Variants in PIF1 observed in about 807,000 individuals in gnomAD.
PIF1 encodes PIF1 5'-to-3' DNA helicase.
In PIF1, 67 loss-of-function variants were observed where a neutral mutation model predicts 62.3. The ratio of observed to expected loss-of-function variants is 1.08; its 90% CI spans 0.88 to 1.32. PIF1 has a LOEUF of 1.32. Ranked by LOEUF, PIF1 falls within the 40% of genes most tolerant of loss-of-function variation. The pLI is 0.00. For synonymous variants in PIF1, 364 were observed against 379.5 expected, an observed-to-expected ratio of 0.96 and a Z score of 0.47; for missense variants, 886 against 866.1, an observed-to-expected ratio of 1.02 and a Z score of -0.29.
upstream of PIF1, among the ~76,000 whole-genome samples, chr15:64,826,892 CA>C (rs2084378518): frequency 6.6e-6 from 1 of 151,142 alleles, no homozygotes; most frequent in African/African-American, 2.4e-5. Flanking sequence ...CCTTATTTTT[CA>C]AATGAGAAAA....
chr15:64,819,361 A>C, intron 8 of PIF1, 138 bp from the exon 9 acceptor site: 1 of 639,628 alleles, frequency 1.6e-6, no homozygotes. Flanking sequence ...CCCAGACTGG[A>C]GTGCAAAGGC....
intron 4 of PIF1, 56 bp from the exon 5 acceptor site, chr15:64,821,576 T>TC: frequency 6.7e-7 from 1 of 1,490,602 alleles, no homozygotes; most frequent in Non-Finnish European, 8.9e-7. Flanking sequence ...TTTTTTTTTT[T>TC]TTTTTTTTTT....
intron 8 of PIF1, among the ~76,000 whole-genome samples, chr15:64,819,543 A>C (rs1398629792): frequency 6.6e-6 from 1 of 152,244 alleles, no homozygotes; most frequent in Admixed American, 6.5e-5. Context: ...TGCTGGCTTC[A>C]GGTGATCTGC....
Position 64,819,069 on chromosome 15 carries a change from T to C in PIF1, c.1440+48A>G, listed in dbSNP as rs1399636077. The C allele has an allele frequency of 4.2e-6, 6 of 1,438,430 alleles. No individual in the cohort carries two copies. In the South Asian group the frequency reaches 8.0e-5, roughly 19 times the overall value. The allele number at this position is 1,438,430 out of a possible 1,614,324, so 89.1% of individuals were successfully genotyped here. ...GAGGGGTAGGGATCAGCAAGGCCCATGCGGGACAGCCCAAGCTCCCAGGGG... is the reference window on the plus strand; with the variant it reads ...GAGGGGTAGGGATCAGCAAGGCCCACGCGGGACAGCCCAAGCTCCCAGGGG... On this transcript the variant is annotated intron_variant, in intron 9 of 12. Transcript: ENST00000559239.
At chr15:64,822,132 C>T in intron 4 of PIF1, 134 bp downstream of exon 4, 8 of 1,200,286 alleles carry the variant, frequency 6.7e-6, no homozygotes, top group Non-Finnish European at 5.8e-6. Context: ...ACCTTGGCCT[C>T]CTAAAGTTTT....
rs2084176822 is a variant in PIF1 at position 64,816,118 on chromosome 15, C to T, written c.*180G>A. On this transcript the variant is annotated 3_prime_UTR_variant, in exon 13 of 13. Coordinates refer to ENST00000559239, the MANE Select transcript of PIF1 (RefSeq NM_001286496.2). ...CAAAGTGAGAGAAACTGAAGCACAGCTGGTATATGGGTTTAAAGTACTCTC... is the reference window on the plus strand; with the variant it reads ...CAAAGTGAGAGAAACTGAAGCACAGTTGGTATATGGGTTTAAAGTACTCTC... The T allele has an allele frequency of 6.9e-7, 1 of 1,456,038 alleles. No individual in the cohort carries two copies. The highest frequency in any genetic ancestry group is 9.0e-7 in the Non-Finnish European group (1 of 1,109,998). 90.2% of individuals were successfully genotyped at this position (1,456,038 alleles called of 1,614,324 possible).
At chr15:64,823,540 CG>C (rs1246174876) in intron 2 of PIF1, 1 of 363,800 alleles carries the variant, frequency 2.7e-6, no homozygotes, top group Admixed American at 4.7e-5. Context: ...CCACCATGCC[CG>C]GCCTCTGCTT....
chr15:64,818,638 G>A, intron 9 of PIF1: 1 of 425,572 alleles, frequency 2.3e-6, no homozygotes, highest in East Asian at 5.0e-5. Context: ...TGATTGGCTT[G>A]GTTATAGGTA....
chr15:64,823,732 A>C, intron 2 of PIF1, 46 bp downstream of exon 2: 1 of 1,259,426 alleles, frequency 7.9e-7, no homozygotes, highest in Non-Finnish European at 1.0e-6. Context: ...CATCTTAAAG[A>C]ATGGCACATC....
rs1382607991 is a variant in PIF1, at chr15:64,819,219, CT to C, written c.1337del (p.Lys446ArgfsTer30). The C allele has an allele frequency of 6.3e-7, 1 of 1,598,626 alleles. No homozygotes were observed. Among genetic ancestry groups the C allele is most frequent in the Admixed American group, 1.7e-5 (1 of 57,548 alleles). On this transcript the variant is annotated frameshift_variant, in exon 9 of 13. Transcript: ENST00000559239. LOFTEE classifies it high-confidence loss of function. ...TGTCCATAGCCTCAAATCTGTGTAC[CT>C]TACCTGGAGAAAAAGAGTTGAGCAA... Reference protein sequence around the residue: ...NERRLQELPGKVHRFEAMDSN... With the variant: ...NERRLQELPGXVHRFEAMDSN...
At chr15:64,826,391 T>G (rs554497672), upstream of PIF1, among the ~76,000 whole-genome samples, 1 of 151,734 alleles carries the variant, frequency 6.6e-6, no homozygotes, top group African/African-American at 2.4e-5. Context: ...CTACCTCATT[T>G]TACAGATAAT....
intron 7 of PIF1, 115 bp from the exon 8 acceptor site, chr15:64,820,101 G>T (rs895539712): frequency 6.0e-6 from 8 of 1,343,540 alleles, no homozygotes; most frequent in African/African-American, 1.5e-5. Context: ...CTGGAAGAGG[G>T]CACCAGGGAA....
intron 5 of PIF1, 40 bp from the exon 6 acceptor site, chr15:64,821,321 A>G (rs776418878): frequency 6.2e-7 from 1 of 1,614,004 alleles, no homozygotes; most frequent in Non-Finnish European, 8.5e-7. Context: ...CACACAGAAG[A>G]CCACCAGGTC....
At chr15:64,826,626 A>ATATAT (rs2084370592), upstream of PIF1, among the ~76,000 whole-genome samples, 1 of 14,792 alleles carries the variant, frequency 6.8e-5, no homozygotes, top group Non-Finnish European at 1.7e-4. Flanking sequence ...CAGCTAATTT[A>ATATAT]TATATATATA....
In PIF1 at chr15:64,821,051, T is replaced by A. The variant is rs746348501; in HGVS notation, c.1124A>T (p.Glu375Val). Reference protein sequence around the residue: ...SWKRCVPVTLELTKVWRQADQ... With the variant: ...SWKRCVPVTLVLTKVWRQADQ... ...TGCCTGCCTCCACACCTTGGTCAGC[T>A]CCAGGGTCACTGGCACACACCTCTT... The change falls in exon 7 of 13, where the codon GAG becomes GTG. Residue 375 changes from glutamate to valine, a missense_variant. Coordinates refer to ENST00000559239, the MANE Select transcript of PIF1 (RefSeq NM_001286496.2). 6.2e-7 allele frequency: 1 copy of A among 1,613,770 alleles called. No homozygotes were observed. Among genetic ancestry groups the A allele is most frequent in the South Asian group, 1.1e-5 (1 of 91,064 alleles).
chr15:64,826,653 T>C (rs867996204), upstream of PIF1, among the ~76,000 whole-genome samples: 83 of 37,890 alleles, frequency 2.2e-3, 4 homozygotes, highest in Non-Finnish European at 3.1e-3. Flanking sequence ...TATATATATA[T>C]ATATATATAT....
chr15:64,820,847 G>T lies in PIF1; in HGVS notation c.1193+135C>A, dbSNP rs181966143. ...TGAGTTGTCCAGTGCCCTGCCCAAGGCTCCTCTTCCTGCATGGAGTGCTTG... is the reference window on the plus strand; with the variant it reads ...TGAGTTGTCCAGTGCCCTGCCCAAGTCTCCTCTTCCTGCATGGAGTGCTTG... On this transcript the variant is annotated intron_variant, in intron 7 of 12. Coordinates refer to ENST00000559239, the MANE Select transcript of PIF1 (RefSeq NM_001286496.2). 356 of 742,792 alleles carry T rather than the reference G, an allele frequency of 4.8e-4. 1 individual carries two copies. In the African/African-American group the frequency reaches 5.9e-3, roughly 12 times the overall value. 46.0% of individuals were successfully genotyped at this position (742,792 alleles called of 1,614,324 possible).
In PIF1 at chr15:64,815,997, C is replaced by A; in HGVS notation, c.*301G>T. The stretch of plus-strand genomic sequence containing the variant: ...TCTGCAGCTCTGTGTCCAGCCCTTG[C>A]AGAGAGCTTTGTCCTCTGACATCAG... On this transcript the variant is annotated 3_prime_UTR_variant, in exon 13 of 13. Coordinates refer to ENST00000559239, the MANE Select transcript of PIF1 (RefSeq NM_001286496.2). 6.6e-7 allele frequency: 1 copy of A among 1,507,026 alleles called. No homozygotes were observed. 93.4% of individuals were successfully genotyped at this position (1,507,026 alleles called of 1,614,324 possible).
At chr15:64,820,160 C>T (rs1159917402) in intron 7 of PIF1, 174 bp from the exon 8 acceptor site, 1 of 731,386 alleles carries the variant, frequency 1.4e-6, no homozygotes, top group East Asian at 2.7e-5. Flanking sequence ...CAAACTTGGA[C>T]CCCAAACATG....
Sources: allele counts gnomAD v4.1 joint callset (sites outside exome capture counted in the v4.1 genomes callset), GRCh38; gene constraint gnomAD v4.1.1; transcripts MANE v1.5; gene names NCBI Gene and HGNC (gene_info 2026-07-23, HGNC 2026-07-21).